Variants in BRD10 observed in about 807,000 individuals in gnomAD.
BRD10 encodes uncharacterized bromodomain-containing protein 10.
chr9:5,906,918 T>C, the BRD10 span: 1 of 1,595,814 alleles, frequency 6.3e-7, no homozygotes, highest in South Asian at 1.1e-5. Context: ...TCAATGTGCC[T>C]TAACAAGAAG....
chr9:6,001,819 A>C, the BRD10 span, among the ~76,000 whole-genome samples: 1 of 152,156 alleles, frequency 6.6e-6, no homozygotes, highest in African/African-American at 2.4e-5. Context: ...ATAGCTCATC[A>C]CGGTAGTATA....
At chr9:5,996,934 G>A in the BRD10 span, among the ~76,000 whole-genome samples, 1 of 152,182 alleles carries the variant, frequency 6.6e-6, no homozygotes, top group African/African-American at 2.4e-5. Flanking sequence ...CCTAGAAGAT[G>A]CTAAAAATGT....
At chr9:5,920,762 G>C in the BRD10 span, 15 of 1,613,946 alleles carry the variant, frequency 9.3e-6, no homozygotes, top group Non-Finnish European at 1.3e-5. Context: ...TAAGGCAACC[G>C]TAACAGGAAT....
At chr9:5,942,758 G>A in the BRD10 span, among the ~76,000 whole-genome samples, 2 of 152,172 alleles carry the variant, frequency 1.3e-5, no homozygotes, top group Admixed American at 1.3e-4. Context: ...ACATCAGGGG[G>A]CATGGACAAG....
At chr9:5,900,829 A>G in the BRD10 span, among the ~76,000 whole-genome samples, 1 of 152,220 alleles carries the variant, frequency 6.6e-6, no homozygotes, top group Non-Finnish European at 1.5e-5. Context: ...CCAGTTTTAC[A>G]TCTTCACTTG....
At chr9:5,971,767 G>T in the BRD10 span, among the ~76,000 whole-genome samples, 6 of 152,050 alleles carry the variant, frequency 3.9e-5, no homozygotes, top group African/African-American at 1.5e-4. Context: ...TGGGCAGGTA[G>T]AATTTGGCTT....
At chr9:5,992,215 AG>A in the BRD10 span, among the ~76,000 whole-genome samples, 1 of 152,236 alleles carries the variant, frequency 6.6e-6, no homozygotes, top group African/African-American at 2.4e-5. Flanking sequence ...CCAGGAGGAT[AG>A]GAACTTTGTT....
the BRD10 span, chr9:5,944,936 G>C: frequency 6.5e-7 from 1 of 1,538,472 alleles, no homozygotes; most frequent in East Asian, 2.4e-5. Context: ...AATTCCCTGA[G>C]TTCATCAAGA....
chr9:5,923,113 T>G, the BRD10 span: 1 of 1,613,972 alleles, frequency 6.2e-7, no homozygotes, highest in South Asian at 1.1e-5. Context: ...GATTCTCAAC[T>G]GTTGTCTCAT....
At chr9:6,006,588 C>G in the BRD10 span, among the ~76,000 whole-genome samples, 2 of 152,132 alleles carry the variant, frequency 1.3e-5, no homozygotes, top group Non-Finnish European at 2.9e-5. Flanking sequence ...AATGTATAAA[C>G]TTTAAAAAAT....
At chr9:5,889,842 C>A in the BRD10 span, among the ~76,000 whole-genome samples, 1 of 152,244 alleles carries the variant, frequency 6.6e-6, no homozygotes, top group Admixed American at 6.5e-5. Flanking sequence ...TGGTCCGACA[C>A]CGCAATTACT....
At chr9:5,968,511 G>C in the BRD10 span, 2 of 1,612,552 alleles carry the variant, frequency 1.2e-6, no homozygotes, top group Non-Finnish European at 1.7e-6. Flanking sequence ...CAAGGCCTGC[G>C]AATTCTAATT....
chr9:6,007,142 G>C, the BRD10 span: 2 of 1,548,396 alleles, frequency 1.3e-6, no homozygotes, highest in Non-Finnish European at 1.8e-6. Context: ...GGGCACGTGT[G>C]AGTGTGTGTT....
chr9:5,929,197 T>G, the BRD10 span: 1 of 1,053,440 alleles, frequency 9.5e-7, no homozygotes, highest in Non-Finnish European at 1.4e-6. Context: ...TTAGATTTAT[T>G]CTAAAAGTAA....
chr9:5,936,250 G>C, the BRD10 span, among the ~76,000 whole-genome samples: 3 of 152,172 alleles, frequency 2.0e-5, no homozygotes, highest in African/African-American at 7.2e-5. Flanking sequence ...CAGCTACTGG[G>C]GAGGCTGAGG....
chr9:5,941,884 G>A, the BRD10 span, among the ~76,000 whole-genome samples: 14 of 152,182 alleles, frequency 9.2e-5, no homozygotes, highest in Middle Eastern at 3.4e-3. Flanking sequence ...ATACTATCTG[G>A]AAAGTCCCTG....
the BRD10 span, among the ~76,000 whole-genome samples, chr9:5,928,475 C>T: frequency 6.6e-6 from 1 of 152,212 alleles, no homozygotes; most frequent in Non-Finnish European, 1.5e-5. Context: ...TCTACATGAT[C>T]TGGCTTCCTT....
chr9:5,952,215 G>A, the BRD10 span, among the ~76,000 whole-genome samples: 2 of 151,822 alleles, frequency 1.3e-5, no homozygotes, highest in African/African-American at 4.8e-5. Context: ...GTAGAGATGG[G>A]GTTTCATATA....
chr9:5,885,614 C>T, the BRD10 span, among the ~76,000 whole-genome samples: 3 of 152,146 alleles, frequency 2.0e-5, no homozygotes, highest in Non-Finnish European at 4.4e-5. Context: ...CTCAGGTGAT[C>T]TGCCCACCTC....
Sources: gnomAD v4.1 joint callset for allele counts (sites outside exome capture counted in the v4.1 genomes callset) on GRCh38, gnomAD v4.1.1 for gene constraint, MANE v1.5 for transcripts, NCBI Gene and HGNC (gene_info 2026-07-23, HGNC 2026-07-21) for gene names.